Variants in GALNT13 observed in about 807,000 individuals in gnomAD.
The protein encoded by GALNT13 is UDP-GalNAc:polypeptide N-acetylgalactosaminyltransferase 13.
GALNT13 carries 28 observed loss-of-function variants against 64.2 expected under a neutral mutation model. The observed-to-expected ratio is 0.44, with a 90% CI of 0.32 to 0.60. The LOEUF (loss-of-function observed/expected upper bound fraction) is 0.60. Among genes scored for constraint, GALNT13 ranks in the 20% least tolerant of loss-of-function variants. The pLI is 0.05. For synonymous variants in GALNT13, 214 were observed against 224.6 expected (o/e 0.95, Z 0.42); for missense variants, 577 against 669.8 (o/e 0.86, Z 1.53).
intron 2 of GALNT13, among the ~76,000 whole-genome samples, chr2:153,923,243 TG>T (rs1689875959): frequency 6.6e-6 from 1 of 152,186 alleles, no homozygotes; most frequent in Non-Finnish European, 1.5e-5. Context: ...CAGAATAAAA[TG>T]TATGTATTAG....
intron 8 of GALNT13, among the ~76,000 whole-genome samples, chr2:154,290,959 G>A (rs748407077): frequency 8.7e-5 from 13 of 150,030 alleles, no homozygotes; most frequent in Admixed American, 8.0e-4. Flanking sequence ...GTGGTCTCGC[G>A]GGCTTCAGGA....
chr2:154,277,904 A>G (rs1691738709), intron 8 of GALNT13, among the ~76,000 whole-genome samples: 1 of 152,174 alleles, frequency 6.6e-6, no homozygotes, highest in African/African-American at 2.4e-5. Flanking sequence ...GTATGGAATT[A>G]TTAGCATTTC....
chr2:153,342,899 C>A, the GALNT13 span, among the ~76,000 whole-genome samples: 2 of 152,120 alleles, frequency 1.3e-5, no homozygotes, highest in Non-Finnish European at 2.9e-5. Context: ...AACATGATTT[C>A]TTGGTAATTT....
intron 9 of GALNT13, among the ~76,000 whole-genome samples, chr2:154,309,446 C>A (rs1162054573): frequency 6.6e-6 from 1 of 152,166 alleles, no homozygotes; most frequent in Admixed American, 6.6e-5. Context: ...GTTTGACTCA[C>A]AATTCTGCAG....
the GALNT13 span, among the ~76,000 whole-genome samples, chr2:153,497,522 ATTTT>A: frequency 2.5e-3 from 92 of 36,842 alleles, 1 homozygote; most frequent in East Asian, 0.011. Flanking sequence ...TTTCTCCCGC[ATTTT>A]TTTTTTTTTT....
chr2:153,305,639 C>A, the GALNT13 span, among the ~76,000 whole-genome samples: 3 of 152,122 alleles, frequency 2.0e-5, no homozygotes, highest in Non-Finnish European at 4.4e-5. Context: ...CAGTTTGGAG[C>A]ACTTTCCAAA....
the GALNT13 span, among the ~76,000 whole-genome samples, chr2:153,073,308 T>C: frequency 6.6e-6 from 1 of 152,004 alleles, no homozygotes. Context: ...AAATATCTAT[T>C]TATTTTTATT....
chr2:153,278,288 T>G, the GALNT13 span, among the ~76,000 whole-genome samples: 2 of 152,298 alleles, frequency 1.3e-5, no homozygotes, highest in East Asian at 3.9e-4. Context: ...GCAAATATTT[T>G]CTGTCATTCT....
upstream of GALNT13, among the ~76,000 whole-genome samples, chr2:153,867,919 C>G (rs565181030): frequency 8.5e-5 from 13 of 152,290 alleles, no homozygotes; most frequent in South Asian, 2.1e-3. Flanking sequence ...TGAAGCTTCA[C>G]TGGCTCACCC....
At chr2:153,928,990 T>C (rs1690331017) in intron 2 of GALNT13, among the ~76,000 whole-genome samples, 1 of 152,206 alleles carries the variant, frequency 6.6e-6, no homozygotes, top group Non-Finnish European at 1.5e-5. Context: ...CTTCATTCTC[T>C]CAACATTTGT....
the GALNT13 span, among the ~76,000 whole-genome samples, chr2:153,466,121 T>C: frequency 3.3e-5 from 5 of 152,122 alleles, no homozygotes; most frequent in African/African-American, 1.2e-4. Flanking sequence ...CAATATCTCT[T>C]CTGCATGGTC....
chr2:153,258,981 G>C, the GALNT13 span, among the ~76,000 whole-genome samples: 1 of 152,176 alleles, frequency 6.6e-6, no homozygotes, highest in Non-Finnish European at 1.5e-5. Context: ...CTACAGTGCT[G>C]ATATGTCTGA....
At chr2:154,024,444 G>C (rs191690939) in intron 3 of GALNT13, among the ~76,000 whole-genome samples, 1 of 151,372 alleles carries the variant, frequency 6.6e-6, no homozygotes, top group Non-Finnish European at 1.5e-5. Flanking sequence ...CATTTATTTC[G>C]TCTTCCATCA....
At chr2:153,403,080 T>G in the GALNT13 span, among the ~76,000 whole-genome samples, 2 of 151,718 alleles carry the variant, frequency 1.3e-5, no homozygotes, top group African/African-American at 2.4e-5. Flanking sequence ...TGGTCTTTGA[T>G]GATGGTGATG....
At chr2:153,891,005 C>T (rs1687516148) in intron 1 of GALNT13, among the ~76,000 whole-genome samples, 2 of 151,972 alleles carry the variant, frequency 1.3e-5, no homozygotes, top group African/African-American at 4.8e-5. Context: ...ATAATTTTGC[C>T]TATTCCTATA....
chr2:153,107,205 T>C, the GALNT13 span, among the ~76,000 whole-genome samples: 1 of 152,122 alleles, frequency 6.6e-6, no homozygotes. Flanking sequence ...GTCCTCGCTG[T>C]CAAGATTCAA....
At chr2:153,654,276 A>C in the GALNT13 span, among the ~76,000 whole-genome samples, 15 of 152,286 alleles carry the variant, frequency 9.8e-5, no homozygotes, top group East Asian at 2.9e-3. Context: ...TAGTCTTATA[A>C]GACATACTAA....
chr2:153,152,012 C>T, the GALNT13 span, among the ~76,000 whole-genome samples: 4 of 151,802 alleles, frequency 2.6e-5, no homozygotes, highest in African/African-American at 7.3e-5. Context: ...AAAATGTTGG[C>T]CAACTCTGGT....
the GALNT13 span, among the ~76,000 whole-genome samples, chr2:153,189,139 T>C: frequency 1.3e-5 from 2 of 152,222 alleles, no homozygotes; most frequent in African/African-American, 4.8e-5. Context: ...GTTTTTATTC[T>C]GTTCTGAGGA....
Sources: allele counts gnomAD v4.1 joint callset (sites outside exome capture counted in the v4.1 genomes callset), GRCh38; gene constraint gnomAD v4.1.1; transcripts MANE v1.5; gene names NCBI Gene and HGNC (gene_info 2026-07-23, HGNC 2026-07-21).